IER3IP1: variants seen among roughly 807,000 people sequenced by gnomAD.
IER3IP1 encodes the protein immediate early response 3-interacting protein 1.
In IER3IP1, 16 loss-of-function variants were observed where a neutral mutation model predicts 12.2. The observed-to-expected ratio is 1.31, with a 90% CI of 0.89 to 1.99. The LOEUF (loss-of-function observed/expected upper bound fraction) is 1.99, where lower values mean the gene tolerates loss of function less well. Among genes scored for constraint, IER3IP1 ranks in the 30% most tolerant of loss-of-function variants. The probability of loss-of-function intolerance (pLI) is 0.00; values close to 1 mark genes in which losing one functional copy is unlikely to be tolerated. For missense variants in IER3IP1, 95 were observed against 95.8 expected (o/e 0.99, Z 0.03); for synonymous variants, 42 against 40.0 (o/e 1.05, Z -0.19).
chr18:47,167,852 G>C (rs2144434186), intron 1 of IER3IP1, among the ~76,000 whole-genome samples: 1 of 152,150 alleles, frequency 6.6e-6, no homozygotes, highest in South Asian at 2.1e-4. Flanking sequence ...AGTTGTGCGT[G>C]GTGGCTTAAA....
At chr18:47,165,114 C>T (rs1163778856) in intron 1 of IER3IP1, among the ~76,000 whole-genome samples, 1 of 152,160 alleles carries the variant, frequency 6.6e-6, no homozygotes, top group African/African-American at 2.4e-5. Context: ...AGATCAATTT[C>T]CATATCTGTA....
At chr18:47,168,152 AAAAT>A (rs1170696987) in intron 1 of IER3IP1, among the ~76,000 whole-genome samples, 2,234 of 134,158 alleles carry the variant, frequency 0.017, 216 homozygotes, top group East Asian at 0.024. Flanking sequence ...AAAAAAAAAA[AAAAT>A]TTTAGCTAGG....
At chr18:47,169,307 A>G (rs2064007480) in intron 1 of IER3IP1, among the ~76,000 whole-genome samples, 1 of 152,180 alleles carries the variant, frequency 6.6e-6, no homozygotes, top group Non-Finnish European at 1.5e-5. Context: ...ATTCTACAGT[A>G]TAGATATCTA....
chr18:47,159,970 C>T (rs1016805970), intron 1 of IER3IP1, among the ~76,000 whole-genome samples: 19 of 151,928 alleles, frequency 1.3e-4, no homozygotes, highest in Admixed American at 2.0e-4. Context: ...CCAAGGTGGG[C>T]GGATCACCTG....
Position 47,157,537 on chromosome 18 carries a change from A to T in IER3IP1, c.92T>A (p.Ile31Asn). The change falls in exon 2 of 3, where the codon ATT becomes AAT. Residue 31 changes from isoleucine (I) to asparagine (N), a missense_variant and splice_region_variant. By Grantham distance (149) the Ile-to-Asn change is moderately radical. Coordinates refer to ENST00000256433, the MANE Select transcript of IER3IP1 (RefSeq NM_016097.5). ...AATTCCCTGGTCTGTTCCCCAGCCA[A>T]CTGTATAATGTAAAGATTAGCTGTG... The part of the protein sequence containing the change: ...VLHEERFLKN[I>N]GWGTDQGIGG... The T allele has an allele frequency of 6.2e-7, 1 of 1,613,462 alleles. No homozygotes were observed. Among genetic ancestry groups the T allele is most frequent in the Non-Finnish European group, 8.5e-7 (1 of 1,179,392 alleles).
At chr18:47,162,582 A>C (rs949123067) in intron 1 of IER3IP1, among the ~76,000 whole-genome samples, 1 of 151,992 alleles carries the variant, frequency 6.6e-6, no homozygotes, top group African/African-American at 2.4e-5. Context: ...GTTCAAAAAC[A>C]GGGGTTGAAA....
chr18:47,157,615 T>A, intron 1 of IER3IP1, 78 bp from the exon 2 acceptor site: 1 of 1,250,992 alleles, frequency 8.0e-7, no homozygotes, highest in Non-Finnish European at 1.2e-6. Context: ...AAAAGATTAG[T>A]TTGAGACCTT....
At chr18:47,160,521 G>T (rs539814127) in intron 1 of IER3IP1, among the ~76,000 whole-genome samples, 1 of 152,296 alleles carries the variant, frequency 6.6e-6, no homozygotes, top group South Asian at 2.1e-4. Context: ...GCAGCATCTG[G>T]TAGCCAATCC....
At chr18:47,156,431 T>C (rs2063959317) in intron 2 of IER3IP1, among the ~76,000 whole-genome samples, 199 bp from the exon 3 acceptor site, 1 of 151,936 alleles carries the variant, frequency 6.6e-6, no homozygotes, top group Non-Finnish European at 1.5e-5. Flanking sequence ...AGAACTTGTA[T>C]AACTGGGAGT....
intron 1 of IER3IP1, among the ~76,000 whole-genome samples, chr18:47,174,276 T>G (rs1263187553): frequency 6.6e-6 from 1 of 152,208 alleles, no homozygotes; most frequent in Non-Finnish European, 1.5e-5. Context: ...AAACAGAAAC[T>G]CTCTCATAGA....
chr18:47,157,647 C>A, intron 1 of IER3IP1, 110 bp from the exon 2 acceptor site: 2 of 948,298 alleles, frequency 2.1e-6, no homozygotes, highest in South Asian at 2.7e-5. Context: ...AGTAGAAAGT[C>A]ATATGACTTT....
chr18:47,170,957 C>T (rs975050890), intron 1 of IER3IP1, among the ~76,000 whole-genome samples: 1 of 152,078 alleles, frequency 6.6e-6, no homozygotes, highest in Non-Finnish European at 1.5e-5. Flanking sequence ...TGTCTTATTC[C>T]ACATCAGGGA....
At chr18:47,174,487 G>A (rs941279090) in intron 1 of IER3IP1, among the ~76,000 whole-genome samples, 1 of 152,076 alleles carries the variant, frequency 6.6e-6, no homozygotes, top group Admixed American at 6.5e-5. Flanking sequence ...TGACCAACAT[G>A]GTGAAACCCC....
intron 1 of IER3IP1, among the ~76,000 whole-genome samples, chr18:47,174,113 C>T (rs901005726): frequency 6.6e-6 from 1 of 152,158 alleles, no homozygotes; most frequent in Non-Finnish European, 1.5e-5. Context: ...CAATTCAAAC[C>T]CCAACTTGAT....
rs1399965000 is a variant in IER3IP1 at position 47,155,925 on chromosome 18, A to G, written c.*252T>C. On this transcript the variant is annotated 3_prime_UTR_variant, in exon 3 of 3. Transcript: ENST00000256433. ...CAATCTCACCACAGCATGAACTACT[A>G]TTAACACTGAGCAATCAGATATTCC... The G allele has an allele frequency of 1.4e-5, 6 of 435,168 alleles. No homozygotes were observed. The highest frequency in any genetic ancestry group is 4.1e-5 in the Admixed American group (1 of 24,362). 27.0% of individuals were successfully genotyped at this position (435,168 alleles called of 1,614,324 possible). A position where few individuals can be genotyped will look rare whatever the true frequency, so the allele number is the denominator to read the frequency against.
In IER3IP1 at chr18:47,156,242, G is replaced by GAAA; in HGVS notation, c.194-13_194-11dup. On this transcript the variant is annotated splice_polypyrimidine_tract_variant and intron_variant, in intron 2 of 2. Transcript: ENST00000256433. ...ACTATTATCAATGGCACTGTAAAGAGAAAAAAAAAAGTTTGTTACTATAAA... is the reference window on the plus strand; with the variant it reads ...ACTATTATCAATGGCACTGTAAAGAGAAAAAAAAAAAAAGTTTGTTACTATAAA... The GAAA allele has an allele frequency of 1.4e-6, 2 of 1,395,262 alleles. No homozygotes were observed. Among genetic ancestry groups the GAAA allele is most frequent in the Admixed American group, 2.0e-5 (1 of 48,840 alleles). 86.4% of individuals were successfully genotyped at this position (1,395,262 alleles called of 1,614,324 possible). A position where few individuals can be genotyped will look rare whatever the true frequency, so the allele number is the denominator to read the frequency against.
At chr18:47,161,061 T>A (rs1339064713) in intron 1 of IER3IP1, among the ~76,000 whole-genome samples, 1 of 152,216 alleles carries the variant, frequency 6.6e-6, no homozygotes, top group Non-Finnish European at 1.5e-5. Context: ...AGGTCCACTT[T>A]TTCCTATCTC....
At chr18:47,162,902 T>TA (rs2063984275) in intron 1 of IER3IP1, among the ~76,000 whole-genome samples, 1 of 152,132 alleles carries the variant, frequency 6.6e-6, no homozygotes, top group South Asian at 2.1e-4. Flanking sequence ...CATTTTTTTT[T>TA]ACCATTCAGC....
At chr18:47,156,657 A>C (rs2063960172) in intron 2 of IER3IP1, among the ~76,000 whole-genome samples, 1 of 152,202 alleles carries the variant, frequency 6.6e-6, no homozygotes. Flanking sequence ...GGTTGTGAGT[A>C]AAGGGAGAAG....
Sources: allele counts gnomAD v4.1 joint callset (sites outside exome capture counted in the v4.1 genomes callset), GRCh38; gene constraint gnomAD v4.1.1; transcripts MANE v1.5; gene names NCBI Gene and HGNC (gene_info 2026-07-23, HGNC 2026-07-21).